The following SNX29 variants were observed in gnomAD, a reference collection of about 807,000 sequenced individuals.
SNX29 encodes sorting nexin 29.
Under a neutral mutation model 102.1 loss-of-function variants are expected in SNX29, and 78 were observed. The observed-to-expected ratio is 0.76, with a 90% CI of 0.64 to 0.92. SNX29 has a LOEUF of 0.92. Among genes scored for constraint, SNX29 ranks in the 40% least tolerant of loss-of-function variants. The pLI, the probability that SNX29 is intolerant of heterozygous loss-of-function variation, is 0.00. For missense variants in SNX29, 1,280 were observed against 1,061.7 expected (o/e 1.21, Z -2.86); for synonymous variants, 580 against 414.5 (o/e 1.40, Z -4.85).
At chr16:12,467,487 C>T (rs1330261539) in intron 18 of SNX29, among the ~76,000 whole-genome samples, 1 of 152,196 alleles carries the variant, frequency 6.6e-6, no homozygotes, top group African/African-American at 2.4e-5. Context: ...GGGTGACTTC[C>T]TGCTTCTGTG....
In SNX29 at chr16:12,485,397, A is replaced by G. The variant is rs1487585488; in HGVS notation, c.2178+7538A>G. Among the ~76,000 whole-genome samples the G allele has an allele frequency of 2.6e-5, 4 of 152,234 alleles. 1 individual carries two copies. The highest frequency in any genetic ancestry group is 3.8e-4 in the East Asian group (2 of 5,196). ...CTTAGGATAATAGATTCCGTCTCCA[A>G]AAGTTCATTTGGCATTAAGGCAAGG... On this transcript the variant is annotated intron_variant, in intron 19 of 20. Transcript: ENST00000566228.
chr16:12,123,033 G>T (rs2054044417), intron 11 of SNX29, among the ~76,000 whole-genome samples: 1 of 152,018 alleles, frequency 6.6e-6, no homozygotes, highest in Non-Finnish European at 1.5e-5. Flanking sequence ...CACCATGTTG[G>T]CCAGGCTGGT....
intron 18 of SNX29, among the ~76,000 whole-genome samples, chr16:12,405,713 TG>T (rs2084132398): frequency 6.6e-6 from 1 of 152,238 alleles, no homozygotes; most frequent in Non-Finnish European, 1.5e-5. Flanking sequence ...ATACTGGTAC[TG>T]TTGAAGAGTA....
At chr16:12,548,467 C>T (rs764523119) in intron 20 of SNX29, among the ~76,000 whole-genome samples, 15 of 152,364 alleles carry the variant, frequency 9.8e-5, no homozygotes, top group Non-Finnish European at 1.9e-4. Context: ...TTTTGGACAG[C>T]ACCGGGCTTT....
intron 3 of SNX29, among the ~76,000 whole-genome samples, chr16:12,007,903 A>C (rs575436507): frequency 6.6e-6 from 1 of 152,214 alleles, no homozygotes; most frequent in South Asian, 2.1e-4. Context: ...TGATCCAGCC[A>C]TCTGCCCTTT....
intron 3 of SNX29, among the ~76,000 whole-genome samples, chr16:12,013,500 A>AATATATATATATATATATATATAT (rs66491414): frequency 2.5e-4 from 8 of 31,608 alleles, no homozygotes; most frequent in East Asian, 1.9e-3. Context: ...AAAAAAAAAA[A>AATATATATATATATATATATATAT]ATATATATAT....
At chr16:12,511,318 G>A (rs2089608750) in intron 19 of SNX29, among the ~76,000 whole-genome samples, 1 of 152,180 alleles carries the variant, frequency 6.6e-6, no homozygotes, top group Admixed American at 6.5e-5. Flanking sequence ...AAGCTCAGCT[G>A]GGTCACCTTA....
intron 18 of SNX29, among the ~76,000 whole-genome samples, chr16:12,463,274 T>G (rs901959099): frequency 2.0e-5 from 3 of 152,190 alleles, no homozygotes; most frequent in African/African-American, 7.2e-5. Flanking sequence ...GGCTAGAAGT[T>G]TTTCATTGCC....
At chr16:12,479,404 C>T (rs957915878) in intron 19 of SNX29, among the ~76,000 whole-genome samples, 1 of 152,214 alleles carries the variant, frequency 6.6e-6, no homozygotes, top group Non-Finnish European at 1.5e-5. Flanking sequence ...CCAACCCTTA[C>T]ATTTACATGT....
At chr16:12,237,737 G>T (rs112851326) in intron 14 of SNX29, among the ~76,000 whole-genome samples, 2 of 151,900 alleles carry the variant, frequency 1.3e-5, no homozygotes, top group Non-Finnish European at 2.9e-5. Context: ...TGAAACCCCC[G>T]TCTCTACTAA....
chr16:12,544,446 T>TAC (rs542608411), intron 20 of SNX29, among the ~76,000 whole-genome samples: 45 of 152,338 alleles, frequency 3.0e-4, no homozygotes, highest in African/African-American at 1.0e-3. Context: ...TCTCTTTCTC[T>TAC]ACCCTATCTC....
In SNX29 at chr16:12,367,754, C is replaced by T. The variant is rs553332179; in HGVS notation, c.1899+11475C>T. 4.6e-5 allele frequency among the ~76,000 whole-genome samples: 7 copies of T among 152,334 alleles called. No homozygotes were observed. In the South Asian group the frequency reaches 1.0e-3, roughly 23 times the overall value. ...CCACGGCAATGTTAAACTTCGTGTT[C>T]CAAATTATAAGAGGCTTTTTAACTC... On this transcript the variant is annotated intron_variant, in intron 16 of 20. Transcript: ENST00000566228.
intron 1 of SNX29, among the ~76,000 whole-genome samples, chr16:11,981,685 T>C (rs964266469): frequency 1.3e-5 from 2 of 152,090 alleles, no homozygotes; most frequent in African/African-American, 4.8e-5. Context: ...CAAAGCTGAA[T>C]ACATTAAGTA....
At chr16:11,979,703 G>A (rs914004065) in intron 1 of SNX29, among the ~76,000 whole-genome samples, 1 of 152,038 alleles carries the variant, frequency 6.6e-6, no homozygotes, top group Admixed American at 6.6e-5. Flanking sequence ...TCTGCCTCAG[G>A]CTCCCAAGTA....
chr16:12,295,508 G>T (rs1266772190), intron 15 of SNX29, among the ~76,000 whole-genome samples: 2 of 152,156 alleles, frequency 1.3e-5, no homozygotes, highest in Admixed American at 1.3e-4. Context: ...TTCCGTTGAC[G>T]AAGGTACATT....
intron 14 of SNX29, among the ~76,000 whole-genome samples, chr16:12,237,162 C>G (rs1701116): frequency 0.76 from 114,927 of 152,126 alleles, 44,468 homozygotes; most frequent in African/African-American, 0.93. Context: ...GCAGGTGGGA[C>G]GTAGGACAGG....
At chr16:12,547,385 T>G (rs982103376) in intron 20 of SNX29, among the ~76,000 whole-genome samples, 17 of 152,062 alleles carry the variant, frequency 1.1e-4, no homozygotes, top group African/African-American at 3.9e-4. Context: ...TAGAGCTTTG[T>G]TATGGGTGAT....
chr16:12,251,004 C>G (rs2142382141), intron 14 of SNX29, among the ~76,000 whole-genome samples: 1 of 152,344 alleles, frequency 6.6e-6, no homozygotes, highest in East Asian at 1.9e-4. Context: ...CCACGATGGC[C>G]CCCTTCTTCA....
At chr16:12,527,455 A>G (rs149151850) in intron 20 of SNX29, 6 of 428,732 alleles carry the variant, frequency 1.4e-5, no homozygotes, top group African/African-American at 1.2e-4. Flanking sequence ...GGTTCTTTCA[A>G]ATGTTGATTT....
Sources: gnomAD v4.1 joint callset for allele counts (sites outside exome capture counted in the v4.1 genomes callset) on GRCh38, gnomAD v4.1.1 for gene constraint, MANE v1.5 for transcripts, NCBI Gene and HGNC (gene_info 2026-07-23, HGNC 2026-07-21) for gene names.